Variants in LAMC1 observed in about 807,000 individuals in gnomAD.
LAMC1 encodes the protein laminin subunit gamma 1.
Under a neutral mutation model 173.6 loss-of-function variants are expected in LAMC1, and 38 were observed. The ratio of observed to expected loss-of-function variants is 0.22; its 90% CI spans 0.17 to 0.29. The LOEUF is 0.29. Ranked by LOEUF, LAMC1 falls within the 10% of genes least tolerant of loss-of-function variation. The pLI, the probability that LAMC1 is intolerant of heterozygous loss-of-function variation, is 1.00. For synonymous variants in LAMC1, 746 were observed against 749.1 expected (o/e 1.00, Z 0.07); for missense variants, 1,824 against 2,051.8 (o/e 0.89, Z 2.14).
chr1:183,121,796 GTCCT>G lies in LAMC1; in HGVS notation c.2065_2068del (p.Ser689AlafsTer133). On this transcript the variant is annotated frameshift_variant, in exon 12 of 28. Transcript: ENST00000258341. LOFTEE classifies it high-confidence loss of function. ...CTGGAGTCCCTGCAACTTGGGTGGA[GTCCT>G]GCACCTGTCCTGTGGGATATGGAGG... 1.9e-6 allele frequency: 3 copies of G among 1,614,204 alleles called. No individual in the cohort carries two copies. The highest frequency in any genetic ancestry group is 2.5e-6 in the Non-Finnish European group (3 of 1,180,032).
At chr1:183,105,022 A>G (rs1042013510) in intron 2 of LAMC1, among the ~76,000 whole-genome samples, 1 of 151,200 alleles carries the variant, frequency 6.6e-6, no homozygotes, top group Non-Finnish European at 1.5e-5. Flanking sequence ...CCACCTGGCC[A>G]ACATGGTGAA....
intron 21 of LAMC1, 30 bp from the exon 22 acceptor site, chr1:183,133,376 T>G (rs528993514): frequency 6.3e-7 from 1 of 1,585,178 alleles, no homozygotes; most frequent in South Asian, 1.1e-5. Context: ...CAGCTAAGAT[T>G]GTCATTAAAC....
At chr1:183,140,698 G>T in intron 27 of LAMC1, 195 bp downstream of exon 27, 1 of 365,852 alleles carries the variant, frequency 2.7e-6, no homozygotes, top group Non-Finnish European at 4.9e-6. Context: ...TGTTTGTCTT[G>T]CATGACAGGG....
At chr1:183,134,545 T>G in intron 22 of LAMC1, 115 bp from the exon 23 acceptor site, 1 of 796,086 alleles carries the variant, frequency 1.3e-6, no homozygotes, top group Non-Finnish European at 2.0e-6. Flanking sequence ...TCTTGATCTG[T>G]GCAGTTCTTT....
intron 1 of LAMC1, among the ~76,000 whole-genome samples, chr1:183,047,486 A>G (rs1237491927): frequency 3.3e-5 from 5 of 152,210 alleles, no homozygotes; most frequent in Admixed American, 3.3e-4. Flanking sequence ...ACGCCCTCTG[A>G]AACCTTATTT....
intron 4 of LAMC1, among the ~76,000 whole-genome samples, chr1:183,114,045 G>A (rs1007760346): frequency 1.3e-5 from 2 of 152,024 alleles, no homozygotes; most frequent in African/African-American, 4.8e-5. Context: ...TTGACATCCT[G>A]TTGGGTTTTG....
At chr1:183,114,136 C>G (rs1656247062) in intron 4 of LAMC1, among the ~76,000 whole-genome samples, 1 of 152,194 alleles carries the variant, frequency 6.6e-6, no homozygotes, top group Admixed American at 6.5e-5. Context: ...GTGGCGTGAT[C>G]TCAGCTCACT....
At chr1:183,039,427 T>G (rs1654068880) in intron 1 of LAMC1, among the ~76,000 whole-genome samples, 3 of 152,194 alleles carry the variant, frequency 2.0e-5, no homozygotes, top group Admixed American at 2.0e-4. Flanking sequence ...TTGTGGTATT[T>G]TAGATAAGTT....
intron 1 of LAMC1, among the ~76,000 whole-genome samples, chr1:183,086,246 C>T (rs796088392): frequency 2.6e-5 from 4 of 152,148 alleles, no homozygotes; most frequent in Non-Finnish European, 5.9e-5. Context: ...TATATGGCCG[C>T]GTTGCGATTA....
chr1:183,094,705 A>C (rs1177824797), intron 1 of LAMC1, among the ~76,000 whole-genome samples: 1 of 152,234 alleles, frequency 6.6e-6, no homozygotes, highest in Admixed American at 6.5e-5. Context: ...AAGATATCTT[A>C]TGGTATTTGT....
chr1:183,102,079 CTGAG>C (rs1277355760), intron 1 of LAMC1, among the ~76,000 whole-genome samples: 1 of 152,162 alleles, frequency 6.6e-6, no homozygotes, highest in Non-Finnish European at 1.5e-5. Flanking sequence ...CTGTGTTGCA[CTGAG>C]TGCAGGAGAG....
At chr1:183,116,476 C>A (rs1404949448) in intron 6 of LAMC1, 101 bp from the exon 7 acceptor site, 33 of 696,940 alleles carry the variant, frequency 4.7e-5, no homozygotes, top group African/African-American at 9.4e-5. Context: ...GACTCTGTCT[C>A]AAAAAAAAAA....
intron 21 of LAMC1, among the ~76,000 whole-genome samples, chr1:183,132,875 A>G (rs1305335149): frequency 6.6e-6 from 1 of 152,170 alleles, no homozygotes; most frequent in East Asian, 1.9e-4. Flanking sequence ...ATAAGAAAGT[A>G]TATGGTAAGC....
At chr1:183,074,886 A>G (rs1655088321) in intron 1 of LAMC1, among the ~76,000 whole-genome samples, 1 of 152,118 alleles carries the variant, frequency 6.6e-6, no homozygotes, top group Non-Finnish European at 1.5e-5. Context: ...TCTTCCATTT[A>G]TCTACCTTGG....
intron 1 of LAMC1, among the ~76,000 whole-genome samples, chr1:183,091,081 A>G (rs920048920): frequency 2.0e-5 from 3 of 152,228 alleles, no homozygotes; most frequent in African/African-American, 7.2e-5. Flanking sequence ...TAATGGAATT[A>G]AATCTTATAA....
intron 1 of LAMC1, among the ~76,000 whole-genome samples, chr1:183,046,623 T>C (rs1012221131): frequency 3.3e-5 from 5 of 152,130 alleles, no homozygotes; most frequent in African/African-American, 1.2e-4. Context: ...TTGTCACTGG[T>C]ATATAAAAAT....
chr1:183,099,478 C>G (rs1242988554), intron 1 of LAMC1, among the ~76,000 whole-genome samples: 2 of 152,156 alleles, frequency 1.3e-5, no homozygotes, highest in Admixed American at 1.3e-4. Context: ...ATGGATACTT[C>G]TTAGTCATTA....
chr1:183,131,003 C>G (rs984194321), intron 19 of LAMC1, among the ~76,000 whole-genome samples: 3 of 151,904 alleles, frequency 2.0e-5, no homozygotes, highest in Non-Finnish European at 4.4e-5. Context: ...GGAGAAACCC[C>G]GTCTCTACTA....
chr1:183,124,619 T>G lies in LAMC1; in HGVS notation c.2402-12T>G. ...GCCTTTCTTTCATAACATCAGATTG[T>G]CTCATCCCCAGGTAAGAGATGTGAG... On this transcript the variant is annotated splice_polypyrimidine_tract_variant and intron_variant, in intron 13 of 27. Transcript: ENST00000258341. 1 of 1,614,122 alleles carries G rather than the reference T, an allele frequency of 6.2e-7. No individual in the cohort carries two copies. The highest frequency in any genetic ancestry group is 8.5e-7 in the Non-Finnish European group (1 of 1,179,970).
Sources: gnomAD v4.1 joint callset for allele counts (sites outside exome capture counted in the v4.1 genomes callset) on GRCh38, gnomAD v4.1.1 for gene constraint, MANE v1.5 for transcripts, NCBI Gene and HGNC (gene_info 2026-07-23, HGNC 2026-07-21) for gene names.